RBFOX1: variants seen among roughly 807,000 people sequenced by gnomAD.
RBFOX1 encodes RNA binding protein fox-1 homolog 1.
A neutral mutation model predicts 57.7 loss-of-function variants in RBFOX1; 8 were observed. The observed-to-expected ratio is 0.14, with a 90% CI of 0.08 to 0.25. The LOEUF (loss-of-function observed/expected upper bound fraction) is 0.25, where lower values mean the gene tolerates loss of function less well. RBFOX1 is among the 10% of genes least tolerant of loss of function. The pLI is 1.00. For missense variants in RBFOX1, 611 were observed against 548.5 expected (o/e 1.11, Z -1.14); for synonymous variants, 326 against 222.4 (o/e 1.47, Z -4.15).
intron 2 of RBFOX1, among the ~76,000 whole-genome samples, chr16:5,508,158 C>T (rs1232199027): frequency 1.3e-5 from 2 of 152,172 alleles, no homozygotes. Context: ...TTTCTGTGTG[C>T]TGGGGGTCTG....
At chr16:5,433,336 G>A (rs2067811155) in intron 1 of RBFOX1, among the ~76,000 whole-genome samples, 1 of 152,160 alleles carries the variant, frequency 6.6e-6, no homozygotes, top group African/African-American at 2.4e-5. Flanking sequence ...CCTCCTTCCT[G>A]CTCTCTGCCT....
chr16:5,941,926 C>T (rs1420471600), intron 4 of RBFOX1, among the ~76,000 whole-genome samples: 1 of 151,440 alleles, frequency 6.6e-6, no homozygotes, highest in East Asian at 1.9e-4. Flanking sequence ...TGAACTTTCT[C>T]CTCTATACTA....
intron 4 of RBFOX1, among the ~76,000 whole-genome samples, chr16:7,087,486 C>G (rs904804854): frequency 1.4e-5 from 2 of 144,270 alleles, no homozygotes; most frequent in Non-Finnish European, 3.0e-5. Context: ...ACAGCCAAAC[C>G]AAGAATTTGT....
chr16:7,094,779 T>G (rs867198921), intron 4 of RBFOX1, among the ~76,000 whole-genome samples: 228 of 135,140 alleles, frequency 1.7e-3, no homozygotes, highest in African/African-American at 5.3e-3. Flanking sequence ...TGTGTGTGGG[T>G]GTGTGTGTGT....
intron 4 of RBFOX1, among the ~76,000 whole-genome samples, chr16:7,281,899 C>T (rs1361485889): frequency 6.6e-6 from 1 of 152,118 alleles, no homozygotes; most frequent in African/African-American, 2.4e-5. Context: ...CTTACTCTGT[C>T]ACCCAGGATG....
At chr16:7,453,936 A>G (rs967500060) in intron 4 of RBFOX1, among the ~76,000 whole-genome samples, 1 of 152,180 alleles carries the variant, frequency 6.6e-6, no homozygotes, top group Non-Finnish European at 1.5e-5. Flanking sequence ...TAGGGGGATT[A>G]AGAAAGCCAT....
Position 5,424,974 on chromosome 16 carries a change from C to CTTTCTTTCT in RBFOX1, c.220-42235_220-42234insCTTTTCTTT, listed in dbSNP as rs1555514875. 1.3e-4 allele frequency among the ~76,000 whole-genome samples: 9 copies of CTTTCTTTCT among 70,682 alleles called. 1 individual carries two copies. Among genetic ancestry groups the CTTTCTTTCT allele is most frequent in the Non-Finnish European group, 2.4e-4 (9 of 37,602 alleles). 46.4% of individuals were successfully genotyped at this position (70,682 alleles called of 152,430 possible). A position where few individuals can be genotyped will look rare whatever the true frequency, so the allele number is the denominator to read the frequency against. ...TTCCTTTGTTTCTTTCTCTTTCTTT[C>CTTTCTTTCT]TTTCTTTTCTTTTCTTTTCTTTTCT... On this transcript the variant is annotated intron_variant, in intron 1 of 2. Transcript: ENST00000585867.
chr16:6,102,107 C>A (rs954385076), intron 1 of RBFOX1, among the ~76,000 whole-genome samples: 18 of 147,794 alleles, frequency 1.2e-4, no homozygotes, highest in Non-Finnish European at 2.4e-4. Context: ...CCTTATAATT[C>A]AAGTATTCTG....
chr16:5,585,497 C>A (rs1357317899), intron 2 of RBFOX1, among the ~76,000 whole-genome samples: 1 of 152,152 alleles, frequency 6.6e-6, no homozygotes, highest in African/African-American at 2.4e-5. Context: ...TCCATGGTTG[C>A]CCTTGGCCTG....
intron 1 of RBFOX1, among the ~76,000 whole-genome samples, chr16:6,070,030 G>A (rs1433406817): frequency 6.6e-6 from 1 of 152,146 alleles, no homozygotes; most frequent in Non-Finnish European, 1.5e-5. Flanking sequence ...AAGTAACTAA[G>A]TAGAGTAAAA....
chr16:6,058,855 T>G (rs990411825), intron 1 of RBFOX1, among the ~76,000 whole-genome samples: 20 of 151,848 alleles, frequency 1.3e-4, no homozygotes, highest in African/African-American at 4.4e-4. Context: ...CATCCATCCA[T>G]CCATCCATCC....
At chr16:7,034,560 G>C (rs1049152266) in intron 3 of RBFOX1, among the ~76,000 whole-genome samples, 1 of 152,108 alleles carries the variant, frequency 6.6e-6, no homozygotes, top group Non-Finnish European at 1.5e-5. Flanking sequence ...TGCCTAGAGA[G>C]CCTTGAAATT....
At chr16:5,654,286 T>A (rs567484137) in intron 3 of RBFOX1, among the ~76,000 whole-genome samples, 2 of 152,306 alleles carry the variant, frequency 1.3e-5, no homozygotes, top group East Asian at 3.9e-4. Context: ...CAATCCATAT[T>A]GGCTTCTGGG....
intron 3 of RBFOX1, among the ~76,000 whole-genome samples, chr16:5,800,664 G>C (rs1347587001): frequency 2.6e-5 from 4 of 152,260 alleles, no homozygotes; most frequent in African/African-American, 9.6e-5. Flanking sequence ...GGTGACACTG[G>C]GGATAAATTG....
intron 1 of RBFOX1, among the ~76,000 whole-genome samples, chr16:6,157,843 C>G (rs935128258): frequency 6.6e-6 from 1 of 152,108 alleles, no homozygotes; most frequent in Non-Finnish European, 1.5e-5. Flanking sequence ...AGACTTATGT[C>G]CTATCATCTT....
intron 3 of RBFOX1, among the ~76,000 whole-genome samples, chr16:6,790,105 T>C (rs1390920326): frequency 6.7e-6 from 1 of 149,446 alleles, no homozygotes. Context: ...AAATTTTTCA[T>C]GCTGTGAATT....
At chr16:6,860,487 C>G (rs1053985418) in intron 3 of RBFOX1, among the ~76,000 whole-genome samples, 1 of 152,166 alleles carries the variant, frequency 6.6e-6, no homozygotes. Flanking sequence ...ATTGATGCAC[C>G]TGCTTTGGCG....
intron 4 of RBFOX1, among the ~76,000 whole-genome samples, chr16:7,214,324 A>G (rs2091662253): frequency 6.6e-6 from 1 of 152,138 alleles, no homozygotes. Context: ...TATCCAGCAA[A>G]TATATTTCCC....
chr16:7,333,583 C>T (rs2096731373), intron 4 of RBFOX1, among the ~76,000 whole-genome samples: 1 of 152,126 alleles, frequency 6.6e-6, no homozygotes, highest in South Asian at 2.1e-4. Flanking sequence ...GGCACTGAGG[C>T]AAGAAGGAAC....
Sources: gnomAD v4.1 joint callset for allele counts (sites outside exome capture counted in the v4.1 genomes callset) on GRCh38, gnomAD v4.1.1 for gene constraint, MANE v1.5 for transcripts, NCBI Gene and HGNC (gene_info 2026-07-23, HGNC 2026-07-21) for gene names.